Variants in CBX3 observed in about 807,000 individuals in gnomAD.
CBX3 encodes the protein chromobox protein homolog 3.
Under a neutral mutation model 22.6 loss-of-function variants are expected in CBX3, and 5 were observed. The ratio of observed to expected loss-of-function variants is 0.22; its 90% CI spans 0.12 to 0.47. The LOEUF is 0.47. CBX3 is among the 20% of genes least tolerant of loss of function. The probability of loss-of-function intolerance (pLI) is 0.99; values close to 1 mark genes in which losing one functional copy is unlikely to be tolerated. For missense variants in CBX3, 83 were observed against 208.1 expected (o/e 0.40, Z 3.70); for synonymous variants, 50 against 66.6 (o/e 0.75, Z 1.21).
At chr7:26,203,953 C>T (rs897673412) in intron 2 of CBX3, among the ~76,000 whole-genome samples, 3 of 152,098 alleles carry the variant, frequency 2.0e-5, no homozygotes, top group Admixed American at 6.5e-5. Context: ...AATTGATAGC[C>T]TTTGGGGTCT....
chr7:26,209,276 AT>A (rs1193253088), intron 4 of CBX3, among the ~76,000 whole-genome samples: 1 of 152,146 alleles, frequency 6.6e-6, no homozygotes, highest in Non-Finnish European at 1.5e-5. Context: ...TATTTTAAAT[AT>A]TTTAATACTT....
At chr7:26,205,911 C>T (rs1231507895) in intron 2 of CBX3, 1 of 155,400 alleles carries the variant, frequency 6.4e-6, no homozygotes, top group Non-Finnish European at 1.4e-5. Context: ...CATGGTGAAA[C>T]CCTGTTTCTA....
intron 2 of CBX3, among the ~76,000 whole-genome samples, chr7:26,205,137 C>T (rs1478324840): frequency 6.6e-6 from 1 of 152,172 alleles, no homozygotes; most frequent in Non-Finnish European, 1.5e-5. Context: ...CTTCTCAGCC[C>T]ATAGGATCTT....
intron 3 of CBX3, among the ~76,000 whole-genome samples, chr7:26,207,552 C>T (rs1266888413): frequency 6.6e-6 from 1 of 152,028 alleles, no homozygotes; most frequent in Non-Finnish European, 1.5e-5. Flanking sequence ...GGAGTCTCAC[C>T]CTGTTGCCCA....
intron 1 of CBX3, 54 bp downstream of exon 1, chr7:26,201,880 C>T (rs1784473110): frequency 7.3e-6 from 1 of 137,042 alleles, no homozygotes; most frequent in African/African-American, 2.7e-5. Context: ...CTTCAGATGC[C>T]ACACGCGTCC....
chr7:26,204,184 T>C (rs1285209106), intron 2 of CBX3, among the ~76,000 whole-genome samples: 1 of 152,084 alleles, frequency 6.6e-6, no homozygotes, highest in Non-Finnish European at 1.5e-5. Flanking sequence ...GAAACTAGCT[T>C]ATGAATGCCA....
chr7:26,208,610 G>C, intron 4 of CBX3, 55 bp downstream of exon 4: 1 of 1,489,594 alleles, frequency 6.7e-7, no homozygotes, highest in East Asian at 2.3e-5. Flanking sequence ...TTGATGGCTT[G>C]ATTTCTTTTT....
intron 1 of CBX3, chr7:26,202,674 T>C (rs1178882392): frequency 5.7e-6 from 2 of 349,878 alleles, no homozygotes; most frequent in Non-Finnish European, 1.0e-5. Context: ...AAATGGAACA[T>C]GGACTTTATT....
chr7:26,205,448 G>T (rs1018339495), intron 2 of CBX3, among the ~76,000 whole-genome samples: 1 of 152,134 alleles, frequency 6.6e-6, no homozygotes, highest in African/African-American at 2.4e-5. Flanking sequence ...TGTTCTAAGT[G>T]GTAGGAAATA....
intron 2 of CBX3, among the ~76,000 whole-genome samples, chr7:26,203,927 AGTT>A (rs1420285010): frequency 1.3e-5 from 2 of 152,206 alleles, no homozygotes; most frequent in African/African-American, 4.8e-5. Flanking sequence ...GGAAAACAGA[AGTT>A]GTTTTTGCAC....
chr7:26,205,253 C>T (rs1232825390), intron 2 of CBX3, among the ~76,000 whole-genome samples: 1 of 152,086 alleles, frequency 6.6e-6, no homozygotes, highest in Non-Finnish European at 1.5e-5. Flanking sequence ...TTGGAAAGAG[C>T]TGGTTCACGT....
chr7:26,204,853 G>T (rs1416275781), intron 2 of CBX3, among the ~76,000 whole-genome samples: 2 of 152,164 alleles, frequency 1.3e-5, no homozygotes, highest in African/African-American at 4.8e-5. Flanking sequence ...GCAATGGCGT[G>T]ATCTTGGCTC....
chr7:26,201,769 G>C lies in CBX3; in HGVS notation c.-86G>C, dbSNP rs1316579157. The C allele has an allele frequency of 3.8e-6, 1 of 263,272 alleles. No individual in the cohort carries two copies. The highest frequency in any genetic ancestry group is 4.6e-5 in the Admixed American group (1 of 21,568). 16.3% of individuals were successfully genotyped at this position (263,272 alleles called of 1,614,324 possible). ...CCTTCGGATGTGGCTTGAGCTGTAG[G>C]CGCGGAGGGCCGGAGACGCTGCAGA... On this transcript the variant is annotated 5_prime_UTR_variant, in exon 1 of 6. Transcript: ENST00000396386.
rs530419495 is a variant in CBX3 at position 26,202,790 on chromosome 7, T to G, written c.-28-181T>G. On this transcript the variant is annotated intron_variant, in intron 1 of 5. Coordinates refer to ENST00000396386, the MANE Select transcript of CBX3 (RefSeq NM_016587.4). Reference sequence around the variant, plus strand: ...GTAAAGTCTTTCTAGACTCACATGGTTAGGACACGTACTTAAGTACATCAT... The same window carrying G: ...GTAAAGTCTTTCTAGACTCACATGGGTAGGACACGTACTTAAGTACATCAT... 7.6e-5 allele frequency: 45 copies of G among 588,756 alleles called. 1 individual carries two copies. In the South Asian group the frequency reaches 9.6e-4, roughly 13 times the overall value. The allele number at this position is 588,756 out of a possible 1,614,324, so 36.5% of individuals were successfully genotyped here. A position where few individuals can be genotyped will look rare whatever the true frequency, so the allele number is the denominator to read the frequency against.
chr7:26,211,626 C>CT (rs530652812), intron 4 of CBX3, 36 bp from the exon 5 acceptor site: 46 of 1,323,880 alleles, frequency 3.5e-5, no homozygotes, highest in Admixed American at 2.2e-4. Context: ...ATTTAATACT[C>CT]TGAGTTTGCT....
In CBX3 at chr7:26,208,601, T is replaced by G. The variant is rs377228409; in HGVS notation, c.330+46T>G. On this transcript the variant is annotated intron_variant, in intron 4 of 5. Transcript: ENST00000396386. ...ACCAGCTTGTCCTTTTGTAAAAGGT[T>G]GATGGCTTGATTTCTTTTTTGTTTG... 122 of 1,505,332 alleles carry G rather than the reference T, an allele frequency of 8.1e-5. No homozygotes were observed. The highest frequency in any genetic ancestry group is 1.1e-4 in the Non-Finnish European group (117 of 1,102,994). The allele number at this position is 1,505,332 out of a possible 1,614,324, so 93.2% of individuals were successfully genotyped here.
intron 1 of CBX3, 184 bp from the exon 2 acceptor site, chr7:26,202,785 CAT>C: frequency 1.8e-6 from 1 of 568,398 alleles, no homozygotes; most frequent in Non-Finnish European, 3.1e-6. Flanking sequence ...TCTAGACTCA[CAT>C]GGTTAGGACA....
chr7:26,205,344 C>G (rs1784651441), intron 2 of CBX3, among the ~76,000 whole-genome samples: 2 of 152,236 alleles, frequency 1.3e-5, no homozygotes, highest in South Asian at 4.1e-4. Flanking sequence ...TATAGACTTT[C>G]TCTTGAGAAA....
At chr7:26,211,305 CTA>C (rs1404443816) in intron 4 of CBX3, among the ~76,000 whole-genome samples, 6 of 152,252 alleles carry the variant, frequency 3.9e-5, no homozygotes, top group African/African-American at 1.4e-4. Context: ...GTAATTCAGA[CTA>C]ATTCCTGGAA....
Sources: allele counts gnomAD v4.1 joint callset (sites outside exome capture counted in the v4.1 genomes callset), GRCh38; gene constraint gnomAD v4.1.1; transcripts MANE v1.5; gene names NCBI Gene and HGNC (gene_info 2026-07-23, HGNC 2026-07-21).